Variants in CTNNA1 observed in about 807,000 individuals in gnomAD.
CTNNA1 encodes the protein catenin alpha 1.
In CTNNA1, 37 loss-of-function variants were observed where a neutral mutation model predicts 98.4. The observed-to-expected ratio is 0.38, with a 90% CI of 0.29 to 0.49. CTNNA1 has a LOEUF of 0.49. CTNNA1 is among the 20% of genes least tolerant of loss of function. CTNNA1 has a pLI of 0.95. For synonymous variants in CTNNA1, 404 were observed against 413.2 expected (o/e 0.98, Z 0.27); for missense variants, 761 against 1,147.2 (o/e 0.66, Z 4.86).
intron 5 of CTNNA1, among the ~76,000 whole-genome samples, chr5:138,814,318 G>C (rs1211859701): frequency 6.6e-6 from 1 of 150,376 alleles, no homozygotes; most frequent in South Asian, 2.1e-4. Flanking sequence ...GTGCAATCTC[G>C]GCTCACCACA....
chr5:138,904,558 G>C (rs942658959), intron 10 of CTNNA1, 117 bp downstream of exon 10: 2 of 1,316,178 alleles, frequency 1.5e-6, no homozygotes, highest in Non-Finnish European at 2.1e-6. Flanking sequence ...GGAAGTCTTG[G>C]GGACAGATCA....
At chr5:138,782,461 G>A (rs1323880595) in intron 2 of CTNNA1, 1 of 316,370 alleles carries the variant, frequency 3.2e-6, no homozygotes, top group African/African-American at 2.2e-5. Flanking sequence ...TGTTAGGGTA[G>A]TTCATAAACT....
intron 7 of CTNNA1, among the ~76,000 whole-genome samples, chr5:138,832,750 C>T (rs750650427): frequency 6.6e-6 from 1 of 151,984 alleles, no homozygotes; most frequent in African/African-American, 2.4e-5. Context: ...ATGAAATATC[C>T]GTAGAACTAG....
chr5:138,795,303 T>C (rs1020958610), intron 3 of CTNNA1, among the ~76,000 whole-genome samples: 2 of 151,370 alleles, frequency 1.3e-5, no homozygotes, highest in Non-Finnish European at 2.9e-5. Flanking sequence ...ACTAAAAATA[T>C]AAAAATTAGC....
At chr5:138,843,583 A>T (rs1203211465) in intron 7 of CTNNA1, among the ~76,000 whole-genome samples, 2 of 152,214 alleles carry the variant, frequency 1.3e-5, no homozygotes, top group Non-Finnish European at 2.9e-5. Flanking sequence ...TGGGAAAATG[A>T]TGCAATTAGT....
At chr5:138,931,695 CCT>C (rs1561777248) in intron 16 of CTNNA1, 1 of 985,358 alleles carries the variant, frequency 1.0e-6, no homozygotes, top group African/African-American at 1.7e-5. Context: ...CCTGTTCTTT[CCT>C]CTCTCCACTT....
At chr5:138,762,837 A>G (rs1023961882) in intron 1 of CTNNA1, among the ~76,000 whole-genome samples, 3 of 152,198 alleles carry the variant, frequency 2.0e-5, no homozygotes, top group Non-Finnish European at 2.9e-5. Context: ...GGATGGAACT[A>G]TATTGTGGAA....
chr5:138,932,487 G>A (rs1162647898), intron 16 of CTNNA1, 91 bp from the exon 17 acceptor site: 7 of 1,538,622 alleles, frequency 4.5e-6, no homozygotes, highest in East Asian at 2.4e-5. Flanking sequence ...AAGCATGTGA[G>A]TGCCACACTG....
At chr5:138,793,220 T>C (rs1023787506) in intron 3 of CTNNA1, among the ~76,000 whole-genome samples, 5 of 152,248 alleles carry the variant, frequency 3.3e-5, no homozygotes, top group Non-Finnish European at 5.9e-5. Flanking sequence ...TAGCTGGTTG[T>C]CATCTGGGAA....
In CTNNA1 at chr5:138,933,880, G is replaced by A. The variant is rs1054245968; in HGVS notation, c.2512G>A (p.Val838Ile). Residue 838 changes from valine (V) to isoleucine (I), a missense_variant, in exon 18 of 18, where the codon GTC (valine) becomes ATC (isoleucine). Physicochemically the swap from Val to Ile is conservative, Grantham distance 29. This residue lies in a region of CTNNA1 where 57 missense variants were observed against 90.9 expected (regional missense o/e 0.63). Transcript: ENST00000302763. ...AVVQTVKASY[V>I]ASTKYQKSQG... is the part of the protein sequence containing the mutation. Reference sequence around the variant, plus strand: ...GGTGCAGACAGTGAAGGCATCCTACGTCGCCTCTACCAAATACCAAAAGTC... The same window carrying A: ...GGTGCAGACAGTGAAGGCATCCTACATCGCCTCTACCAAATACCAAAAGTC... 5.6e-6 allele frequency: 9 copies of A among 1,614,150 alleles called. No individual in the cohort carries two copies. Among genetic ancestry groups the A allele is most frequent in the Admixed American group, 1.7e-5 (1 of 60,022 alleles).
intron 7 of CTNNA1, among the ~76,000 whole-genome samples, chr5:138,828,571 T>G (rs1396968864): frequency 6.6e-6 from 1 of 152,188 alleles, no homozygotes; most frequent in African/African-American, 2.4e-5. Flanking sequence ...TATGAAATCA[T>G]TTTAAGGGGA....
At chr5:138,839,687 G>C (rs1762109992) in intron 7 of CTNNA1, among the ~76,000 whole-genome samples, 1 of 152,112 alleles carries the variant, frequency 6.6e-6, no homozygotes, top group Non-Finnish European at 1.5e-5. Context: ...TCAATTCTTG[G>C]ATTGCCACTC....
chr5:138,831,149 A>G (rs2149793678), intron 7 of CTNNA1, among the ~76,000 whole-genome samples: 1 of 152,262 alleles, frequency 6.6e-6, no homozygotes, highest in African/African-American at 2.4e-5. Context: ...TGTTATTAAT[A>G]TTTTTATGGA....
intron 3 of CTNNA1, among the ~76,000 whole-genome samples, chr5:138,800,325 A>C (rs1422794333): frequency 2.6e-5 from 4 of 152,238 alleles, no homozygotes; most frequent in Non-Finnish European, 5.9e-5. Context: ...GAGAAAAAGC[A>C]AAGTCATTAT....
At chr5:138,753,603 CCGCGGGCGGGCGAGCGGGCGGGG>C (rs1751246222) in intron 1 of CTNNA1, 93 bp downstream of exon 1, 2 of 340,228 alleles carry the variant, frequency 5.9e-6, no homozygotes, top group South Asian at 1.4e-4. Flanking sequence ...GCCCCGCGAG[CCGCGGGCGGGCGAGCGGGCGGGG>C]CGCGGTTTCT....
rs770751799 is a variant in CTNNA1, at chr5:138,934,112, C to A, written c.*23C>A. 4 of 1,587,446 alleles carry A rather than the reference C, an allele frequency of 2.5e-6. No individual in the cohort carries two copies. In the South Asian group the frequency reaches 3.3e-5, roughly 13 times the overall value. ...TAAGTCTGCCCAGGCCGGCCGCCCCCACCCCTCGGGGCTCCTGAATATCAG... is the reference window on the plus strand; with the variant it reads ...TAAGTCTGCCCAGGCCGGCCGCCCCAACCCCTCGGGGCTCCTGAATATCAG... On this transcript the variant is annotated 3_prime_UTR_variant, in exon 18 of 18. Coordinates refer to ENST00000302763, the MANE Select transcript of CTNNA1 (RefSeq NM_001903.5).
intron 7 of CTNNA1, chr5:138,828,118 C>T (rs1248233163): frequency 5.5e-6 from 1 of 181,410 alleles, no homozygotes; most frequent in African/African-American, 2.4e-5. Context: ...TAGCATGCCT[C>T]TCCAAAGAAT....
At position 138,821,461 on chromosome 5, in the gene CTNNA1, T is replaced by C. The variant is rs1035051033; in HGVS notation, c.589-3069T>C. Among the ~76,000 whole-genome samples, 2 of 152,254 alleles carry C rather than the reference T, an allele frequency of 1.3e-5. 1 individual carries two copies. The highest frequency in any genetic ancestry group is 4.1e-4 in the South Asian group (2 of 4,824). ...TATTTTTTTCTGAAAACTTGGACAC[T>C]GAATAGTAATGTTACTGTCGGTGTT... On this transcript the variant is annotated intron_variant, in intron 5 of 17. Coordinates refer to ENST00000302763, the MANE Select transcript of CTNNA1 (RefSeq NM_001903.5).
intron 3 of CTNNA1, among the ~76,000 whole-genome samples, chr5:138,801,108 A>C (rs1009645767): frequency 7.2e-5 from 11 of 152,200 alleles, no homozygotes; most frequent in Non-Finnish European, 1.5e-4. Context: ...TCGCATGCAG[A>C]TGCATCATAT....
Sources: gnomAD v4.1 joint callset for allele counts (sites outside exome capture counted in the v4.1 genomes callset) on GRCh38, gnomAD v4.1.1 for gene constraint, gnomAD v4.1.1 regional missense constraint, MANE v1.5 for transcripts, NCBI Gene and HGNC (gene_info 2026-07-23, HGNC 2026-07-21) for gene names.